The following WWTR1 variants were observed in gnomAD, a reference collection of about 807,000 sequenced individuals.
WWTR1 encodes the protein WW domain-containing transcription regulator protein 1.
WWTR1 carries 13 observed loss-of-function variants against 40.1 expected under a neutral mutation model. The ratio of observed to expected loss-of-function variants is 0.32; its 90% CI spans 0.21 to 0.52. WWTR1 has a LOEUF of 0.52. Ranked by LOEUF, WWTR1 falls within the 20% of genes least tolerant of loss-of-function variation. The probability of loss-of-function intolerance (pLI) is 0.97; values close to 1 mark genes in which losing one functional copy is unlikely to be tolerated. For missense variants in WWTR1, 436 were observed against 523.1 expected, an observed-to-expected ratio of 0.83 and a Z score of 1.63; for synonymous variants, 230 against 210.1, an observed-to-expected ratio of 1.09 and a Z score of -0.82.
intron 2 of WWTR1, among the ~76,000 whole-genome samples, chr3:149,574,579 C>T (rs979043835): frequency 2.0e-5 from 3 of 152,100 alleles, no homozygotes; most frequent in South Asian, 2.1e-4. Flanking sequence ...CTTTTACTTT[C>T]GTTATGTTTA....
intron 1 of WWTR1, among the ~76,000 whole-genome samples, chr3:149,682,632 T>A (rs568164034): frequency 8.5e-4 from 130 of 152,342 alleles, no homozygotes; most frequent in African/African-American, 3.1e-3. Flanking sequence ...AGCCTAAATT[T>A]CAAATGATTG....
At chr3:149,663,067 C>T (rs562758021) in intron 2 of WWTR1, among the ~76,000 whole-genome samples, 2 of 152,142 alleles carry the variant, frequency 1.3e-5, no homozygotes, top group Non-Finnish European at 2.9e-5. Flanking sequence ...GAGTCTTACT[C>T]TGTCACCCAG....
Position 149,657,312 on chromosome 3 carries a change from G to GC in WWTR1, c.-3-4dup. On this transcript the variant is annotated splice_polypyrimidine_tract_variant and splice_region_variant and intron_variant, in intron 1 of 6. Transcript: ENST00000360632. ...GGCGCCGAGGCCGGATTCATCTTCT[G>GC]CAAAAAGAAGGTCAGATCAGCCTTT... 6.2e-7 allele frequency: 1 copy of GC among 1,606,036 alleles called. No homozygotes were observed. Among genetic ancestry groups the GC allele is most frequent in the East Asian group, 2.2e-5 (1 of 44,694 alleles).
At chr3:149,556,573 C>T (rs1437255721) in intron 3 of WWTR1, among the ~76,000 whole-genome samples, 6 of 151,856 alleles carry the variant, frequency 4.0e-5, no homozygotes, top group Non-Finnish European at 5.9e-5. Flanking sequence ...AGTGAGATGC[C>T]GTCTCAAAAA....
At chr3:149,678,015 C>T (rs1282197212) in intron 1 of WWTR1, among the ~76,000 whole-genome samples, 1 of 151,904 alleles carries the variant, frequency 6.6e-6, no homozygotes, top group Non-Finnish European at 1.5e-5. Flanking sequence ...AGCTGATCCA[C>T]CTGTTTTGGC....
intron 2 of WWTR1, among the ~76,000 whole-genome samples, chr3:149,665,522 G>A (rs1713782119): frequency 6.6e-6 from 1 of 152,064 alleles, no homozygotes; most frequent in Non-Finnish European, 1.5e-5. Flanking sequence ...ACTGCGCCCG[G>A]CTCAGAAATT....
At chr3:149,657,464 G>C in intron 1 of WWTR1, 155 bp from the exon 2 acceptor site, 2 of 885,450 alleles carry the variant, frequency 2.3e-6, no homozygotes, top group Non-Finnish European at 3.3e-6. Flanking sequence ...CAGACACTCA[G>C]CGGTAAGACC....
At chr3:149,539,241 T>C (rs930325464) in intron 4 of WWTR1, among the ~76,000 whole-genome samples, 8 of 152,226 alleles carry the variant, frequency 5.3e-5, no homozygotes, top group African/African-American at 1.9e-4. Context: ...ACAATATTTA[T>C]ATAGCATATT....
At chr3:149,631,028 G>A (rs527784167) in intron 2 of WWTR1, among the ~76,000 whole-genome samples, 1 of 152,300 alleles carries the variant, frequency 6.6e-6, no homozygotes, top group East Asian at 1.9e-4. Context: ...TGGTCAGTAT[G>A]TCAGCCTGGA....
intron 6 of WWTR1, among the ~76,000 whole-genome samples, chr3:149,525,398 G>C (rs1735252413): frequency 6.6e-6 from 1 of 151,832 alleles, no homozygotes; most frequent in South Asian, 2.1e-4. Context: ...AACAAACAGT[G>C]GTGTCTTGAT....
intron 3 of WWTR1, among the ~76,000 whole-genome samples, chr3:149,554,254 ACTTTCCCAG>A (rs1488693156): frequency 1.3e-5 from 2 of 152,116 alleles, no homozygotes; most frequent in Admixed American, 1.3e-4. Flanking sequence ...ATTCAGCCAC[ACTTTCCCAG>A]CTTCACTGTT....
At chr3:149,657,565 G>A in intron 1 of WWTR1, 200 bp downstream of exon 1, 1 of 495,450 alleles carries the variant, frequency 2.0e-6, no homozygotes, top group South Asian at 2.7e-5. Context: ...AAGATAGGGC[G>A]AGGGGTGGAG....
intron 2 of WWTR1, among the ~76,000 whole-genome samples, chr3:149,587,906 T>C (rs1738507259): frequency 6.6e-6 from 1 of 152,192 alleles, no homozygotes; most frequent in South Asian, 2.1e-4. Flanking sequence ...TATTCTCGCA[T>C]ATTACTAGAC....
intron 2 of WWTR1, among the ~76,000 whole-genome samples, chr3:149,636,124 C>A (rs1711804802): frequency 6.6e-6 from 1 of 152,172 alleles, no homozygotes; most frequent in Non-Finnish European, 1.5e-5. Context: ...CTGGATTAAT[C>A]TGGCTAAACT....
intron 2 of WWTR1, among the ~76,000 whole-genome samples, chr3:149,574,466 T>C (rs1465580891): frequency 6.6e-6 from 1 of 152,186 alleles, no homozygotes; most frequent in Non-Finnish European, 1.5e-5. Flanking sequence ...ACCATTGACC[T>C]TCCTTAGACA....
chr3:149,701,738 G>T lies in WWTR1; in HGVS notation c.-108+1386C>A, dbSNP rs12635519. On this transcript the variant is annotated intron_variant, in intron 1 of 7. Coordinates refer to the WWTR1 transcript ENST00000465804. ...TGCTTTCTTTTTTGTCTTTTTAACC[G>T]TAAGCTGTTTAAGTTGAAGCGCTCT... 6.4e-3 allele frequency: 1,114 copies of T among 174,296 alleles called. 26 individuals are homozygous for T. The East Asian group carries it at 0.071, about 11-fold the overall frequency. The allele number at this position is 174,296 out of a possible 1,614,324, so 10.8% of individuals were successfully genotyped here. A position where few individuals can be genotyped will look rare whatever the true frequency, so the allele number is the denominator to read the frequency against.
chr3:149,723,489 G>C (rs1715806314), intron 4 of WWTR1, among the ~76,000 whole-genome samples: 1 of 152,044 alleles, frequency 6.6e-6, no homozygotes, highest in Non-Finnish European at 1.5e-5. Flanking sequence ...CACCCAGCTG[G>C]TTTGCTGGTT....
At chr3:149,630,678 G>A (rs2108106913) in intron 2 of WWTR1, among the ~76,000 whole-genome samples, 1 of 152,272 alleles carries the variant, frequency 6.6e-6, no homozygotes, top group Middle Eastern at 3.4e-3. Context: ...TTAGCTCTAG[G>A]ATCAATAGGA....
chr3:149,587,504 G>A (rs557615828), intron 2 of WWTR1, among the ~76,000 whole-genome samples: 22 of 152,318 alleles, frequency 1.4e-4, no homozygotes, highest in African/African-American at 5.3e-4. Flanking sequence ...ACACCACGGT[G>A]TAATACAAAC....
Sources: gnomAD v4.1 joint callset for allele counts (sites outside exome capture counted in the v4.1 genomes callset) on GRCh38, gnomAD v4.1.1 for gene constraint, MANE v1.5 for transcripts, NCBI Gene and HGNC (gene_info 2026-07-23, HGNC 2026-07-21) for gene names.